The following CSMD1 variants were observed in gnomAD, a reference collection of about 807,000 sequenced individuals.
CSMD1 encodes CUB and sushi domain-containing protein 1.
Under a neutral mutation model 417.5 loss-of-function variants are expected in CSMD1, and 213 were observed. The observed-to-expected ratio is 0.51, with a 90% CI of 0.46 to 0.57. CSMD1 has a LOEUF of 0.57. Ranked by LOEUF, CSMD1 falls within the 20% of genes least tolerant of loss-of-function variation. The pLI is 0.00. For synonymous variants in CSMD1, 2,862 were observed against 1,736.8 expected, an observed-to-expected ratio of 1.65 and a Z score of -16.11; for missense variants, 6,923 against 4,529.7, an observed-to-expected ratio of 1.53 and a Z score of -15.17.
At chr8:3,705,177 G>A (rs569231918) in intron 7 of CSMD1, among the ~76,000 whole-genome samples, 8 of 152,280 alleles carry the variant, frequency 5.3e-5, no homozygotes, top group African/African-American at 9.6e-5. Flanking sequence ...GGAAGGAGTC[G>A]CCACTGAGCT....
intron 2 of CSMD1, among the ~76,000 whole-genome samples, chr8:4,612,632 T>A (rs777925808): frequency 1.3e-5 from 2 of 152,178 alleles, no homozygotes; most frequent in African/African-American, 4.8e-5. Context: ...GTAAGGCCAC[T>A]CAGGGGACCC....
At chr8:3,296,609 C>A (rs767162340) in intron 25 of CSMD1, among the ~76,000 whole-genome samples, 2 of 152,180 alleles carry the variant, frequency 1.3e-5, no homozygotes, top group Non-Finnish European at 2.9e-5. Context: ...TTTGAGTAAT[C>A]CAAGAAAGTG....
At chr8:4,319,172 T>G (rs911980604) in intron 3 of CSMD1, among the ~76,000 whole-genome samples, 25 of 152,192 alleles carry the variant, frequency 1.6e-4, no homozygotes, top group Admixed American at 1.6e-3. Flanking sequence ...TTTAAACTGT[T>G]AGTCAATTTC....
intron 5 of CSMD1, among the ~76,000 whole-genome samples, chr8:3,926,703 T>C (rs1809753352): frequency 6.8e-6 from 1 of 147,370 alleles, no homozygotes; most frequent in Admixed American, 6.9e-5. Context: ...AAATTCAAGT[T>C]AAATTGACAC....
chr8:3,656,286 C>G (rs1432950689), intron 7 of CSMD1, among the ~76,000 whole-genome samples: 3 of 152,194 alleles, frequency 2.0e-5, no homozygotes, highest in Admixed American at 6.5e-5. Flanking sequence ...TTACTCAACA[C>G]AGAAATACTC....
chr8:3,840,136 T>C (rs1056638838), intron 5 of CSMD1, among the ~76,000 whole-genome samples: 2 of 152,176 alleles, frequency 1.3e-5, no homozygotes, highest in Admixed American at 1.3e-4. Context: ...AACAGCTTGC[T>C]TCCTTTATAC....
intron 3 of CSMD1, among the ~76,000 whole-genome samples, chr8:4,180,133 T>C (rs1191587117): frequency 6.6e-6 from 1 of 152,052 alleles, no homozygotes; most frequent in Non-Finnish European, 1.5e-5. Flanking sequence ...CACACATATG[T>C]TTACTGCGGC....
chr8:4,446,187 CAA>C (rs969434409), intron 2 of CSMD1, among the ~76,000 whole-genome samples: 13 of 152,152 alleles, frequency 8.5e-5, no homozygotes, highest in African/African-American at 3.1e-4. Context: ...ATCAAAGAAA[CAA>C]AAGACATTTT....
chr8:3,751,978 A>G (rs1377272771), intron 6 of CSMD1, among the ~76,000 whole-genome samples: 2 of 152,184 alleles, frequency 1.3e-5, no homozygotes, highest in African/African-American at 2.4e-5. Context: ...TAAATCTGGT[A>G]CGGGATGGAC....
At chr8:3,249,180 G>C (rs1471043633) in intron 26 of CSMD1, among the ~76,000 whole-genome samples, 1 of 152,128 alleles carries the variant, frequency 6.6e-6, no homozygotes, top group South Asian at 2.1e-4. Context: ...TGTAACAAAC[G>C]ATATGAAGAA....
chr8:4,740,830 G>A (rs868120054), intron 1 of CSMD1, among the ~76,000 whole-genome samples: 1 of 152,166 alleles, frequency 6.6e-6, no homozygotes, highest in Non-Finnish European at 1.5e-5. Flanking sequence ...GTTTCAGGAT[G>A]AATCTTAAAG....
intron 1 of CSMD1, among the ~76,000 whole-genome samples, chr8:4,817,394 C>T (rs890173766): frequency 6.6e-6 from 1 of 152,194 alleles, no homozygotes; most frequent in Non-Finnish European, 1.5e-5. Context: ...TGCTTGGCAA[C>T]CTACGTCAAG....
intron 1 of CSMD1, among the ~76,000 whole-genome samples, chr8:4,958,464 C>T (rs1341478811): frequency 1.3e-5 from 2 of 152,090 alleles, no homozygotes; most frequent in Non-Finnish European, 2.9e-5. Flanking sequence ...CAGAAAACTG[C>T]AATATATATT....
intron 1 of CSMD1, among the ~76,000 whole-genome samples, chr8:4,975,040 C>T (rs1326739821): frequency 6.6e-6 from 1 of 152,116 alleles, no homozygotes; most frequent in South Asian, 2.1e-4. Context: ...CATTCACATA[C>T]AGCAGGCTGG....
intron 2 of CSMD1, among the ~76,000 whole-genome samples, chr8:4,459,526 G>C (rs554433175): frequency 6.6e-6 from 1 of 152,304 alleles, no homozygotes; most frequent in Admixed American, 6.5e-5. Flanking sequence ...GTGAGGATAA[G>C]CAATTTAGAG....
chr8:3,972,084 T>C (rs1813128998), intron 5 of CSMD1, among the ~76,000 whole-genome samples: 1 of 152,142 alleles, frequency 6.6e-6, no homozygotes, highest in African/African-American at 2.4e-5. Flanking sequence ...TTGCCCAGGC[T>C]GATCCTGACT....
chr8:3,933,273 A>T (rs1277450349), intron 5 of CSMD1, among the ~76,000 whole-genome samples: 1 of 152,332 alleles, frequency 6.6e-6, no homozygotes, highest in African/African-American at 2.4e-5. Flanking sequence ...CTAATCTAAA[A>T]TATTTTGCTT....
rs571142949 is a variant in CSMD1 at position 4,500,650 on chromosome 8, T to C, written c.303-80585A>G. ...GGGAGAGAGGGACGAAAGTGAGAGG[T>C]GTTAGTAAATGTTCTAGCTCTGGAC... On this transcript the variant is annotated intron_variant, in intron 2 of 69. Coordinates refer to ENST00000635120, the MANE Select transcript of CSMD1 (RefSeq NM_033225.6). Among the ~76,000 whole-genome samples the C allele has an allele frequency of 6.2e-4, 95 of 152,114 alleles. 1 individual carries two copies. In the South Asian group the frequency reaches 0.017, roughly 27 times the overall value.
intron 4 of CSMD1, among the ~76,000 whole-genome samples, chr8:3,999,719 C>T (rs755541551): frequency 6.6e-6 from 1 of 152,164 alleles, no homozygotes; most frequent in Non-Finnish European, 1.5e-5. Flanking sequence ...ATGCTAATGG[C>T]AGCTTTAGAA....
Sources: gnomAD v4.1 joint callset for allele counts (sites outside exome capture counted in the v4.1 genomes callset) on GRCh38, gnomAD v4.1.1 for gene constraint, MANE v1.5 for transcripts, NCBI Gene and HGNC (gene_info 2026-07-23, HGNC 2026-07-21) for gene names.